MYO1F: variants seen among roughly 807,000 people sequenced by gnomAD.
MYO1F encodes myosin IF.
A neutral mutation model predicts 146.6 loss-of-function variants in MYO1F; 60 were observed. That is an observed-to-expected ratio of 0.41 (90% CI 0.33 to 0.51). The LOEUF is 0.51. Among genes scored for constraint, MYO1F ranks in the 20% least tolerant of loss-of-function variants. MYO1F has a pLI of 0.25. For synonymous variants in MYO1F, 602 were observed against 602.1 expected, an observed-to-expected ratio of 1.00 and a Z score of 0.00; for missense variants, 1,274 against 1,534.3, an observed-to-expected ratio of 0.83 and a Z score of 2.83.
intron 16 of MYO1F, 54 bp from the exon 17 acceptor site, chr19:8,537,109 G>A: frequency 7.9e-7 from 1 of 1,258,604 alleles, no homozygotes; most frequent in South Asian, 1.2e-5. Flanking sequence ...GGACCCTCTG[G>A]CCCCTCTTTT....
chr19:8,548,360 G>A, intron 10 of MYO1F, 43 bp from the exon 11 acceptor site: 1 of 1,580,340 alleles, frequency 6.3e-7, no homozygotes, highest in Non-Finnish European at 8.7e-7. Context: ...GCATCGGTCA[G>A]ATCTGAAGCC....
At chr19:8,538,662 A>G (rs1367847727) in intron 16 of MYO1F, among the ~76,000 whole-genome samples, 1 of 147,900 alleles carries the variant, frequency 6.8e-6, no homozygotes, top group Non-Finnish European at 1.5e-5. Context: ...ATCATGGTTC[A>G]CTGCAGCCTC....
intron 16 of MYO1F, 108 bp downstream of exon 16, chr19:8,539,839 T>G (rs1054394602): frequency 1.0e-6 from 1 of 972,610 alleles, no homozygotes; most frequent in South Asian, 1.4e-5. Flanking sequence ...AGCCCCAGGA[T>G]TGGTAGACAG....
chr19:8,543,882 G>A (rs1599956045), intron 14 of MYO1F, among the ~76,000 whole-genome samples: 2 of 97,012 alleles, frequency 2.1e-5, no homozygotes, highest in Admixed American at 1.1e-4. Context: ...GGTGCTGGTG[G>A]TGGTGGTGGT....
At position 8,521,603 on chromosome 19, in the gene MYO1F, A is replaced by C; in HGVS notation, c.3222T>G (p.Asp1074Glu). The C allele has an allele frequency of 1.9e-6, 3 of 1,613,996 alleles. 1 individual carries two copies. The South Asian group carries it at 3.3e-5, about 18-fold the overall frequency. ...GCCGGCCCTTCCACCAGCCCGAGGG[A>C]TCTGTGGGAGAGAGGAAAGCTTGAG... ...VNEVIEILME[D>E]PSGWWKGRLH... The change falls in exon 28 of 28, where the codon GAT (aspartate) becomes GAG (glutamate). Residue 1074 changes from aspartate to glutamate, a missense_variant and splice_region_variant. Transcript: ENST00000644032.
intron 12 of MYO1F, 128 bp downstream of exon 12, chr19:8,547,908 G>T: frequency 1.2e-6 from 1 of 844,798 alleles, no homozygotes; most frequent in Non-Finnish European, 1.9e-6. Flanking sequence ...GCCTGGGTAG[G>T]TTGGCACAGA....
chr19:8,529,965 G>A (rs1269212087), intron 21 of MYO1F: 2 of 648,226 alleles, frequency 3.1e-6, no homozygotes, highest in Non-Finnish European at 5.6e-6. Context: ...AGATACCTAT[G>A]GACAGGTGTG....
chr19:8,547,598 T>C (rs147660247), intron 12 of MYO1F, among the ~76,000 whole-genome samples: 2 of 143,254 alleles, frequency 1.4e-5, no homozygotes, highest in Admixed American at 1.4e-4. Context: ...AACGAGACTT[T>C]GTCTCAAAAA....
rs369961523 is a variant in MYO1F, at chr19:8,544,474, G to A, written c.1357-10C>T. ...TGATGCCTGGGGGGCTCTGCGGGGC[G>A]AGCGGGAGCCAGCAGCGGCTCAGTT... On this transcript the variant is annotated splice_polypyrimidine_tract_variant and intron_variant, in intron 13 of 27. Coordinates refer to ENST00000644032, the MANE Select transcript of MYO1F (RefSeq NM_012335.4). 3.7e-5 allele frequency: 60 copies of A among 1,605,246 alleles called. No homozygotes were observed. The African/African-American group carries it at 4.0e-4, about 11-fold the overall frequency.
At chr19:8,546,315 C>T (rs974045388) in intron 12 of MYO1F, among the ~76,000 whole-genome samples, 15 of 151,796 alleles carry the variant, frequency 9.9e-5, no homozygotes, top group African/African-American at 2.4e-4. Flanking sequence ...CTGCCCACCT[C>T]GGCCTCCCAA....
In MYO1F at chr19:8,562,163, C is replaced by A. The variant is rs866406413; in HGVS notation, c.4-6367G>T. Among the ~76,000 whole-genome samples the A allele has an allele frequency of 2.1e-5, 3 of 145,490 alleles. No homozygotes were observed. The East Asian group carries it at 6.0e-4, about 29-fold the overall frequency. Reference sequence around the variant, plus strand: ...CGTTCTCCTGCCCGGCTAATTTTTTCTTTTTTTTTTTGTATTTTTAGTGGA... The same window carrying A: ...CGTTCTCCTGCCCGGCTAATTTTTTATTTTTTTTTTTGTATTTTTAGTGGA... On this transcript the variant is annotated intron_variant, in intron 1 of 27. Transcript: ENST00000644032.
At chr19:8,528,266 C>T (rs183711877) in intron 21 of MYO1F, among the ~76,000 whole-genome samples, 50 of 151,762 alleles carry the variant, frequency 3.3e-4, no homozygotes, top group Admixed American at 8.6e-4. Context: ...CGGTGGCACA[C>T]GCCTGTAATC....
chr19:8,545,482 AT>A, intron 13 of MYO1F, 167 bp downstream of exon 13: 1 of 705,746 alleles, frequency 1.4e-6, no homozygotes, highest in South Asian at 1.5e-5. Flanking sequence ...GAATGAATGG[AT>A]GAGGGGCGGA....
At chr19:8,560,520 CCT>C (rs1173896584) in intron 1 of MYO1F, among the ~76,000 whole-genome samples, 2 of 149,884 alleles carry the variant, frequency 1.3e-5, no homozygotes, top group African/African-American at 4.9e-5. Context: ...CAGGTTCTTG[CCT>C]CTGTCTACAC....
At chr19:8,560,662 C>T (rs1455469716) in intron 1 of MYO1F, among the ~76,000 whole-genome samples, 1 of 151,472 alleles carries the variant, frequency 6.6e-6, no homozygotes, top group Non-Finnish European at 1.5e-5. Flanking sequence ...GCAGCCTTGA[C>T]CTCCTGGGCT....
chr19:8,561,904 A>C (rs1421046845), intron 1 of MYO1F, among the ~76,000 whole-genome samples: 1 of 151,794 alleles, frequency 6.6e-6, no homozygotes, highest in East Asian at 1.9e-4. Flanking sequence ...TTTAGTAGAG[A>C]TAAGGTTTCA....
At chr19:8,543,735 C>A (rs56989930) in intron 14 of MYO1F, among the ~76,000 whole-genome samples, 1 of 11,210 alleles carries the variant, frequency 8.9e-5, no homozygotes, top group African/African-American at 5.0e-4. Context: ...GCTGGTGGTG[C>A]TGGTGGTGCT....
chr19:8,562,156 A>ATTTTTTTTTTTTTTT (rs1490847496), intron 1 of MYO1F, among the ~76,000 whole-genome samples: 57 of 142,768 alleles, frequency 4.0e-4, no homozygotes, highest in African/African-American at 1.5e-3. Context: ...TGCCCGGCTA[A>ATTTTTTTTTTTTTTT]TTTTTTCTTT....
intron 14 of MYO1F, among the ~76,000 whole-genome samples, chr19:8,543,687 G>GTGGTGCTGGTGGTGC (rs1568348385): frequency 2.1e-5 from 1 of 48,630 alleles, no homozygotes; most frequent in Non-Finnish European, 3.6e-5. Flanking sequence ...GGTGGTGGTG[G>GTGGTGCTGGTGGTGC]TGGTGGTGGT....
Sources: gnomAD v4.1 joint callset for allele counts (sites outside exome capture counted in the v4.1 genomes callset) on GRCh38, gnomAD v4.1.1 for gene constraint, MANE v1.5 for transcripts, NCBI Gene and HGNC (gene_info 2026-07-23, HGNC 2026-07-21) for gene names.